Variants in SLC24A2 observed in about 807,000 individuals in gnomAD.
SLC24A2 encodes sodium/potassium/calcium exchanger 2.
SLC24A2 carries 36 observed loss-of-function variants against 62.0 expected under a neutral mutation model. The ratio of observed to expected loss-of-function variants is 0.58; its 90% CI spans 0.44 to 0.77. SLC24A2 has a LOEUF of 0.77. SLC24A2 is among the 30% of genes least tolerant of loss of function. The pLI is 0.00. For synonymous variants in SLC24A2, 358 were observed against 294.0 expected (o/e 1.22, Z -2.23); for missense variants, 846 against 817.9 (o/e 1.03, Z -0.42).
At chr9:20,052,142 T>A in the SLC24A2 span, among the ~76,000 whole-genome samples, 1 of 152,216 alleles carries the variant, frequency 6.6e-6, no homozygotes, top group Non-Finnish European at 1.5e-5. Context: ...ATTTATATAT[T>A]TAATTGCTTC....
At chr9:20,270,169 C>A in the SLC24A2 span, among the ~76,000 whole-genome samples, 10 of 152,124 alleles carry the variant, frequency 6.6e-5, no homozygotes, top group African/African-American at 2.4e-4. Context: ...AGGGCACCAA[C>A]CTATTCATAA....
chr9:20,145,398 T>C, the SLC24A2 span, among the ~76,000 whole-genome samples: 91 of 152,210 alleles, frequency 6.0e-4, no homozygotes, highest in African/African-American at 2.1e-3. Flanking sequence ...TTGGAAGCAA[T>C]CTCTCAGTTT....
At chr9:19,993,570 A>T in the SLC24A2 span, among the ~76,000 whole-genome samples, 1 of 152,178 alleles carries the variant, frequency 6.6e-6, no homozygotes, top group African/African-American at 2.4e-5. Context: ...CACGGTTAAC[A>T]TTTATAGAGT....
At chr9:20,146,558 G>C in the SLC24A2 span, among the ~76,000 whole-genome samples, 49 of 152,180 alleles carry the variant, frequency 3.2e-4, no homozygotes, top group Non-Finnish European at 1.3e-4. Context: ...GGAACATGCA[G>C]GCAGTAAACT....
At chr9:20,240,816 C>T in the SLC24A2 span, among the ~76,000 whole-genome samples, 8 of 152,202 alleles carry the variant, frequency 5.3e-5, no homozygotes, top group African/African-American at 1.7e-4. Context: ...AAATGGACAT[C>T]GATTGATCAA....
At chr9:20,159,142 C>T in the SLC24A2 span, among the ~76,000 whole-genome samples, 1 of 151,730 alleles carries the variant, frequency 6.6e-6, no homozygotes, top group Non-Finnish European at 1.5e-5. Flanking sequence ...AGGCAAGCTT[C>T]GCTTCAAGAA....
At chr9:20,258,337 T>C in the SLC24A2 span, among the ~76,000 whole-genome samples, 1 of 152,340 alleles carries the variant, frequency 6.6e-6, no homozygotes, top group East Asian at 1.9e-4. Flanking sequence ...CACAGGTGGT[T>C]TGGCATTTGA....
At chr9:20,258,816 C>G in the SLC24A2 span, among the ~76,000 whole-genome samples, 1 of 123,394 alleles carries the variant, frequency 8.1e-6, no homozygotes, top group African/African-American at 3.2e-5. Flanking sequence ...ATCTATCTAC[C>G]TTATCTATCT....
At chr9:20,194,583 CA>C in the SLC24A2 span, among the ~76,000 whole-genome samples, 1 of 152,118 alleles carries the variant, frequency 6.6e-6, no homozygotes, top group Admixed American at 6.6e-5. Context: ...CCAGCAATAT[CA>C]AATTGAATAT....
chr9:19,830,077 C>T, the SLC24A2 span, among the ~76,000 whole-genome samples: 1 of 151,884 alleles, frequency 6.6e-6, no homozygotes, highest in South Asian at 2.1e-4. Context: ...GGAGCCAGTC[C>T]ACGGTGGATG....
Position 19,746,193 on chromosome 9 carries a change from C to A in SLC24A2, c.930+39744G>T, listed in dbSNP as rs549849669. 2.6e-5 allele frequency among the ~76,000 whole-genome samples: 4 copies of A among 151,706 alleles called. No homozygotes were observed. The South Asian group carries it at 8.3e-4, about 32-fold the overall frequency. ...GGACACAACACTGTCAGGAGGTAAG[C>A]GGCTCTCTTGTTCTCAGTGCCTACG... On this transcript the variant is annotated intron_variant, in intron 2 of 10. Coordinates refer to ENST00000341998, the MANE Select transcript of SLC24A2 (RefSeq NM_020344.4).
In SLC24A2 at chr9:19,599,423, G is replaced by T. The variant is rs1329975170; in HGVS notation, c.1079-2144C>A. Among the ~76,000 whole-genome samples the T allele has an allele frequency of 6.6e-6, 1 of 152,198 alleles. No homozygotes were observed. The highest frequency in any genetic ancestry group is 2.4e-5 in the African/African-American group (1 of 41,450). On this transcript the variant is annotated intron_variant, in intron 4 of 10. Transcript: ENST00000341998. The surrounding 1 kb of genome is among the most constrained non-coding windows in gnomAD (Gnocchi z 4.5). Reference sequence around the variant, plus strand: ...GTAGTGAAAAGCTGAATAACAGCAGGTGTTGTGGCAACTCAAGGCGCACTG... The same window carrying T: ...GTAGTGAAAAGCTGAATAACAGCAGTTGTTGTGGCAACTCAAGGCGCACTG...
the SLC24A2 span, among the ~76,000 whole-genome samples, chr9:20,262,915 C>T: frequency 2.0e-5 from 3 of 152,164 alleles, no homozygotes; most frequent in South Asian, 6.2e-4. Flanking sequence ...ACCTTGAGAA[C>T]AGGAACCATG....
chr9:19,796,357 A>G, the SLC24A2 span, among the ~76,000 whole-genome samples: 5 of 151,982 alleles, frequency 3.3e-5, no homozygotes, highest in Non-Finnish European at 7.4e-5. Context: ...CTGTTTTCAA[A>G]CATGTCAGTT....
chr9:19,825,793 G>A, the SLC24A2 span, among the ~76,000 whole-genome samples: 1 of 151,904 alleles, frequency 6.6e-6, no homozygotes, highest in South Asian at 2.1e-4. Context: ...TTGCTTGTAG[G>A]GATCATGTTG....
chr9:20,116,724 A>G, the SLC24A2 span, among the ~76,000 whole-genome samples: 1 of 152,194 alleles, frequency 6.6e-6, no homozygotes, highest in Non-Finnish European at 1.5e-5. Flanking sequence ...GAGAGAATGG[A>G]TGCATAAAGA....
At chr9:19,868,404 A>G in the SLC24A2 span, among the ~76,000 whole-genome samples, 5 of 152,192 alleles carry the variant, frequency 3.3e-5, no homozygotes, top group African/African-American at 1.2e-4. Flanking sequence ...ATGGTTTCAT[A>G]TGGTTTATCC....
At chr9:20,223,238 C>T in the SLC24A2 span, among the ~76,000 whole-genome samples, 1 of 152,186 alleles carries the variant, frequency 6.6e-6, no homozygotes, top group South Asian at 2.1e-4. Flanking sequence ...CATTGAAGTA[C>T]ATAGAAAAAC....
chr9:20,166,543 A>G, the SLC24A2 span, among the ~76,000 whole-genome samples: 1 of 152,018 alleles, frequency 6.6e-6, no homozygotes, highest in Non-Finnish European at 1.5e-5. Flanking sequence ...AAAAAATAAC[A>G]ATGTACAGGA....
Sources: allele counts gnomAD v4.1 joint callset (sites outside exome capture counted in the v4.1 genomes callset), GRCh38; gene constraint gnomAD v4.1.1; non-coding constraint Gnocchi (gnomAD v3.1); transcripts MANE v1.5; gene names NCBI Gene and HGNC (gene_info 2026-07-23, HGNC 2026-07-21).